The following AVEN variants were observed in gnomAD, a reference collection of about 807,000 sequenced individuals.
AVEN encodes the protein apoptosis and caspase activation inhibitor, also known as cell death regulator Aven.
AVEN carries 41 observed loss-of-function variants against 38.1 expected under a neutral mutation model. The ratio of observed to expected loss-of-function variants is 1.08; its 90% CI spans 0.84 to 1.40. The LOEUF is 1.40. AVEN is among the 40% of genes most tolerant of loss of function. The pLI, the probability that AVEN is intolerant of heterozygous loss-of-function variation, is 0.00. For synonymous variants in AVEN, 206 were observed against 171.8 expected (o/e 1.20, Z -1.56); for missense variants, 605 against 438.8 (o/e 1.38, Z -3.38).
chr15:34,064,293 C>T (rs777060789), intron 4 of AVEN: 2 of 1,613,288 alleles, frequency 1.2e-6, no homozygotes, highest in South Asian at 2.2e-5. Context: ...GTTGTACTGG[C>T]AGGGGAACAG....
At chr15:33,875,849 T>A (rs774702028) in intron 3 of AVEN, 76 bp downstream of exon 3, 35 of 1,361,364 alleles carry the variant, frequency 2.6e-5, no homozygotes, top group Admixed American at 2.0e-4. Flanking sequence ...GAAGACTCTA[T>A]CTCAAGAACG....
intron 2 of AVEN, among the ~76,000 whole-genome samples, chr15:33,914,876 G>T (rs1342616178): frequency 2.0e-5 from 3 of 151,878 alleles, no homozygotes; most frequent in Non-Finnish European, 4.4e-5. Context: ...TCTAGCAAAG[G>T]CACCTCATGT....
At chr15:34,064,195 T>C in intron 4 of AVEN, 1 of 1,614,202 alleles carries the variant, frequency 6.2e-7, no homozygotes, top group Non-Finnish European at 8.5e-7. Context: ...GTCAACCCCA[T>C]CTGCTATGCC....
At chr15:33,933,524 C>CACACACACACACACACACACAGAGAG (rs1893945145) in intron 2 of AVEN, among the ~76,000 whole-genome samples, 4 of 46,584 alleles carry the variant, frequency 8.6e-5, no homozygotes, top group African/African-American at 2.8e-4. Context: ...CACACACACA[C>CACACACACACACACACACACAGAGAG]AGAGAGAGAG....
Position 34,014,384 on chromosome 15 carries a change from ACAAAAAC to A in AVEN, c.268-11182_268-11176del, listed in dbSNP as rs1220237609. Among the ~76,000 whole-genome samples, 1,039 of 109,302 alleles carry A rather than the reference ACAAAAAC, an allele frequency of 9.5e-3. 84 individuals are homozygous for A. Among genetic ancestry groups the A allele is most frequent in the African/African-American group, 0.013 (331 of 26,316 alleles). 71.7% of individuals were successfully genotyped at this position (109,302 alleles called of 152,430 possible). A position where few individuals can be genotyped will look rare whatever the true frequency, so the allele number is the denominator to read the frequency against. ...CATCTCATTAAAAAAAAAAAAAAAAACAAAAACAAAAACCACGTTTGAGGATTCTGGG... is the reference window on the plus strand; with the variant it reads ...CATCTCATTAAAAAAAAAAAAAAAAAAAAAACCACGTTTGAGGATTCTGGG... On this transcript the variant is annotated intron_variant, in intron 1 of 5. Transcript: ENST00000306730.
chr15:33,965,637 G>T (rs980725025), intron 2 of AVEN, among the ~76,000 whole-genome samples: 1 of 152,082 alleles, frequency 6.6e-6, no homozygotes, highest in African/African-American at 2.4e-5. Flanking sequence ...GTGGGCAATG[G>T]GAGAGTTCAG....
At chr15:33,867,114 G>A (rs1265644222) in intron 5 of AVEN, among the ~76,000 whole-genome samples, 1 of 152,142 alleles carries the variant, frequency 6.6e-6, no homozygotes, top group East Asian at 1.9e-4. Flanking sequence ...GTGTTCTTTT[G>A]TCAAAATATA....
At chr15:33,957,569 AT>A (rs1247669030) in intron 2 of AVEN, among the ~76,000 whole-genome samples, 1 of 152,226 alleles carries the variant, frequency 6.6e-6, no homozygotes, top group African/African-American at 2.4e-5. Flanking sequence ...TTTATTTATA[AT>A]ATCCCAAAAT....
Position 34,063,521 on chromosome 15 carries a change from G to C in AVEN, n.1127-89C>G, listed in dbSNP as rs1239713658. The stretch of plus-strand genomic sequence containing the variant: ...CCCTGGCCCAGCGGGAAAGGAACCA[G>C]GCCTCCTGGTCATCCTCCCGCAGGA... On this transcript the variant is annotated intron_variant and non_coding_transcript_variant, in intron 4 of 11. Transcript: ENST00000675287. This position sits in a 1 kb window ranked among gnomAD's most constrained non-coding sequence, Gnocchi z 4.1. 6.2e-7 allele frequency: 1 copy of C among 1,613,710 alleles called. No individual in the cohort carries two copies. Among genetic ancestry groups the C allele is most frequent in the Non-Finnish European group, 8.5e-7 (1 of 1,180,024 alleles).
At chr15:34,055,725 C>T (rs995412294) in intron 5 of AVEN, among the ~76,000 whole-genome samples, 5 of 151,848 alleles carry the variant, frequency 3.3e-5, no homozygotes, top group East Asian at 1.9e-4. Context: ...GGTGTGAACC[C>T]GGGAGGTGGA....
intron 1 of AVEN, among the ~76,000 whole-genome samples, chr15:34,073,106 T>A (rs1900662423): frequency 6.6e-6 from 1 of 151,326 alleles, no homozygotes. Context: ...AGTGGCACGA[T>A]CTCGACTCAC....
chr15:33,898,235 AATG>A (rs1892331421), intron 2 of AVEN, among the ~76,000 whole-genome samples: 1 of 152,216 alleles, frequency 6.6e-6, no homozygotes. Context: ...CTAAGGAGAT[AATG>A]ATGAGTAAAA....
At chr15:33,860,807 C>G in intron 11 of AVEN, 1 of 709,894 alleles carries the variant, frequency 1.4e-6, no homozygotes, top group Non-Finnish European at 2.4e-6. Flanking sequence ...CTGCACCCTG[C>G]CATACCCCTG....
At chr15:34,070,248 G>A (rs111287788) in intron 2 of AVEN, among the ~76,000 whole-genome samples, 94 of 152,226 alleles carry the variant, frequency 6.2e-4, no homozygotes, top group African/African-American at 2.2e-3. Flanking sequence ...CACTGGGTCC[G>A]TCCCACAAGA....
At chr15:33,879,590 C>T (rs139023091) in intron 2 of AVEN, among the ~76,000 whole-genome samples, 3,011 of 152,096 alleles carry the variant, frequency 0.02, 67 homozygotes, top group African/African-American at 0.061. Context: ...AGCAATGTCT[C>T]GAAAATAATA....
chr15:33,991,356 A>T (rs1274595876), intron 2 of AVEN: 1 of 152,188 alleles, frequency 6.6e-6, no homozygotes, highest in Non-Finnish European at 1.5e-5. Flanking sequence ...GAGCAAGAAG[A>T]AAAATGGAAG....
In AVEN at chr15:34,029,938, G is replaced by A. The variant is rs552019932; in HGVS notation, c.267+8842C>T. Among the ~76,000 whole-genome samples, 404 of 152,258 alleles carry A rather than the reference G, an allele frequency of 2.7e-3. 4 individuals carry two copies. Among genetic ancestry groups the A allele is most frequent in the African/African-American group, 9.4e-3 (389 of 41,536 alleles). On this transcript the variant is annotated intron_variant, in intron 1 of 5. Transcript: ENST00000306730. ...TCATGAATCCAGCTCACTAGAATGTGAACTCTAGATTCACAATAGAACTAT... is the reference window on the plus strand; with the variant it reads ...TCATGAATCCAGCTCACTAGAATGTAAACTCTAGATTCACAATAGAACTAT...
chr15:34,024,123 G>A (rs547377091), intron 1 of AVEN, among the ~76,000 whole-genome samples: 2 of 151,336 alleles, frequency 1.3e-5, no homozygotes, highest in Admixed American at 6.6e-5. Context: ...AATATCTACT[G>A]AGAGCTGATA....
chr15:34,014,257 G>A (rs540306747), intron 1 of AVEN, among the ~76,000 whole-genome samples: 1 of 151,666 alleles, frequency 6.6e-6, no homozygotes, highest in South Asian at 2.1e-4. Context: ...CCAGCTACTT[G>A]GGAGGCTGAG....
Sources: allele counts gnomAD v4.1 joint callset (sites outside exome capture counted in the v4.1 genomes callset), GRCh38; gene constraint gnomAD v4.1.1; non-coding constraint Gnocchi (gnomAD v3.1); transcripts MANE v1.5; gene names NCBI Gene and HGNC (gene_info 2026-07-23, HGNC 2026-07-21).